ALLC: variants seen among roughly 807,000 people sequenced by gnomAD.
The protein encoded by ALLC is allantoicase.
Under a neutral mutation model 45.0 loss-of-function variants are expected in ALLC, and 40 were observed. The ratio of observed to expected loss-of-function variants is 0.89; its 90% confidence interval spans 0.69 to 1.16. The LOEUF (loss-of-function observed/expected upper bound fraction) is 1.16. ALLC is among the 50% of genes most tolerant of loss of function. The probability of loss-of-function intolerance (pLI) is 0.00; values close to 1 mark genes in which losing one functional copy is unlikely to be tolerated. For synonymous variants in ALLC, 176 were observed against 178.1 expected, an observed-to-expected ratio of 0.99 and a Z score of 0.09; for missense variants, 488 against 493.1, an observed-to-expected ratio of 0.99 and a Z score of 0.10.
chr2:3,654,067 G>T (rs1050790436), upstream of ALLC, among the ~76,000 whole-genome samples: 4 of 152,194 alleles, frequency 2.6e-5, no homozygotes, highest in Admixed American at 1.3e-4. Context: ...TCATCTGAAG[G>T]CTTGACTGGG....
intron 9 of ALLC, 53 bp downstream of exon 9, chr2:3,696,401 G>A (rs1667674544): frequency 2.0e-6 from 3 of 1,477,498 alleles, no homozygotes; most frequent in East Asian, 2.4e-5. Context: ...AGTATTTTTT[G>A]GAACTTTTTC....
At chr2:3,654,025 T>C (rs992992624), upstream of ALLC, among the ~76,000 whole-genome samples, 1 of 152,188 alleles carries the variant, frequency 6.6e-6, no homozygotes, top group African/African-American at 2.4e-5. Flanking sequence ...TCTCAAGAGA[T>C]TGCACTCAAG....
At chr2:3,678,361 C>A (rs185756107) in intron 3 of ALLC, 107 bp from the exon 4 acceptor site, 3 of 905,340 alleles carry the variant, frequency 3.3e-6, no homozygotes, top group Admixed American at 2.0e-5. Flanking sequence ...CTCCCCTAGA[C>A]CCCGGTTTGC....
chr2:3,682,665 A>G (rs1198235222), intron 6 of ALLC, among the ~76,000 whole-genome samples: 1 of 152,090 alleles, frequency 6.6e-6, no homozygotes, highest in African/African-American at 2.4e-5. Flanking sequence ...AGCTGGGACT[A>G]CAGGCGCCCG....
At chr2:3,655,945 C>T (rs139775720), upstream of ALLC, among the ~76,000 whole-genome samples, 6 of 152,006 alleles carry the variant, frequency 3.9e-5, no homozygotes, top group Non-Finnish European at 7.4e-5. Flanking sequence ...GCCTGTTGCC[C>T]GCTCCGGTGG....
chr2:3,673,225 G>A (rs778415178), intron 2 of ALLC, among the ~76,000 whole-genome samples: 5 of 152,258 alleles, frequency 3.3e-5, no homozygotes, highest in Admixed American at 6.5e-5. Context: ...CACGCTGCGC[G>A]TTTGTGAGAA....
At chr2:3,654,738 G>A (rs976418247), upstream of ALLC, among the ~76,000 whole-genome samples, 2 of 152,236 alleles carry the variant, frequency 1.3e-5, no homozygotes, top group African/African-American at 4.8e-5. Flanking sequence ...CCCTTCAGCT[G>A]AGTGGAAGAA....
At chr2:3,678,776 C>T (rs967313669) in intron 4 of ALLC, among the ~76,000 whole-genome samples, 5 of 152,254 alleles carry the variant, frequency 3.3e-5, no homozygotes, top group African/African-American at 7.2e-5. Context: ...GTGAGAAGCA[C>T]GTTGTCGGGA....
chr2:3,686,314 A>G (rs1345189447), intron 7 of ALLC, among the ~76,000 whole-genome samples: 1 of 150,484 alleles, frequency 6.6e-6, no homozygotes, highest in African/African-American at 2.4e-5. Context: ...TGGGTTCTCT[A>G]TTGTGTTGTC....
intron 7 of ALLC, 33 bp from the exon 8 acceptor site, chr2:3,695,684 A>C: frequency 1.2e-6 from 2 of 1,613,588 alleles, no homozygotes; most frequent in Non-Finnish European, 1.7e-6. Context: ...AGCCATTTTT[A>C]CAAACAATAA....
chr2:3,649,547 CACTTCTAATATTAAAT>C, the ALLC span, among the ~76,000 whole-genome samples: 3 of 152,228 alleles, frequency 2.0e-5, no homozygotes, highest in African/African-American at 7.2e-5. Flanking sequence ...GGCCCCCAAA[CACTTCTAATATTAAAT>C]ACTGAAGTAA....
At chr2:3,656,940 C>T (rs973067120), upstream of ALLC, among the ~76,000 whole-genome samples, 3 of 152,092 alleles carry the variant, frequency 2.0e-5, no homozygotes, top group South Asian at 2.1e-4. Context: ...TTCTGTTCTC[C>T]GCACCGTGAG....
chr2:3,669,054 C>T (rs571430276), intron 1 of ALLC, among the ~76,000 whole-genome samples: 12 of 152,198 alleles, frequency 7.9e-5, no homozygotes, highest in Non-Finnish European at 1.0e-4. Context: ...AAGATAATTC[C>T]GGCCAGGCAC....
intron 10 of ALLC, among the ~76,000 whole-genome samples, chr2:3,698,376 T>C (rs553444174): frequency 5.3e-5 from 8 of 152,164 alleles, no homozygotes; most frequent in African/African-American, 1.7e-4. Flanking sequence ...AGGCTCTGCA[T>C]CCCCCTTGGA....
At chr2:3,676,046 G>A (rs1439134077) in intron 3 of ALLC, among the ~76,000 whole-genome samples, 2 of 152,208 alleles carry the variant, frequency 1.3e-5, no homozygotes, top group Non-Finnish European at 1.5e-5. Context: ...CATCATGGGG[G>A]CTCCACCCTT....
At chr2:3,672,750 AG>A (rs1429010835) in intron 2 of ALLC, among the ~76,000 whole-genome samples, 1 of 151,576 alleles carries the variant, frequency 6.6e-6, no homozygotes, top group East Asian at 1.9e-4. Context: ...GTTAGATAGG[AG>A]GTCCTCTGGC....
chr2:3,647,402 C>T, the ALLC span, among the ~76,000 whole-genome samples: 1 of 152,086 alleles, frequency 6.6e-6, no homozygotes, highest in East Asian at 1.9e-4. Flanking sequence ...AGCAACCTGT[C>T]TTGGGGCAAT....
rs1211714912 is a variant in ALLC, at chr2:3,679,867, A to G, written c.173-2A>G. Reference sequence around the variant, plus strand: ...ACTGCTCTTGTCCTCTGTGTTGCGCAGGTCACGACTGGTGTGTCCTCAGGC... The same window carrying G: ...ACTGCTCTTGTCCTCTGTGTTGCGCGGGTCACGACTGGTGTGTCCTCAGGC... On this transcript the variant is annotated splice_acceptor_variant, in intron 4 of 11. Coordinates refer to ENST00000252505, the MANE Select transcript of ALLC (RefSeq NM_018436.4). LOFTEE classifies it high-confidence loss of function. 1.9e-6 allele frequency: 3 copies of G among 1,613,738 alleles called. No homozygotes were observed. Among genetic ancestry groups the G allele is most frequent in the South Asian group, 2.2e-5 (2 of 91,076 alleles).
intron 10 of ALLC, among the ~76,000 whole-genome samples, chr2:3,698,357 T>G (rs1441364049): frequency 3.3e-5 from 5 of 152,186 alleles, no homozygotes; most frequent in Non-Finnish European, 7.3e-5. Context: ...GTCCGGCTCT[T>G]TACCATAGAG....
Sources: gnomAD v4.1 joint callset for allele counts (sites outside exome capture counted in the v4.1 genomes callset) on GRCh38, gnomAD v4.1.1 for gene constraint, MANE v1.5 for transcripts, NCBI Gene and HGNC (gene_info 2026-07-23, HGNC 2026-07-21) for gene names.